The following CNTNAP3B variants were observed in gnomAD, a reference collection of about 807,000 sequenced individuals.
CNTNAP3B encodes the protein contactin-associated protein-like 3B.
CNTNAP3B carries 25 observed loss-of-function variants against 108.9 expected under a neutral mutation model. The ratio of observed to expected loss-of-function variants is 0.23; its 90% CI spans 0.17 to 0.32. The LOEUF (loss-of-function observed/expected upper bound fraction) is 0.32, where lower values mean the gene tolerates loss of function less well. Ranked by LOEUF, CNTNAP3B falls within the 10% of genes least tolerant of loss-of-function variation. CNTNAP3B has a pLI of 1.00. For synonymous variants in CNTNAP3B, 103 were observed against 473.4 expected, an observed-to-expected ratio of 0.22 and a Z score of 10.16; for missense variants, 252 against 1,210.4, an observed-to-expected ratio of 0.21 and a Z score of 11.75.
chr9:42,041,263 T>C (rs1826745002), intron 3 of CNTNAP3B, among the ~76,000 whole-genome samples: 1 of 139,214 alleles, frequency 7.2e-6, no homozygotes, highest in African/African-American at 2.8e-5. Flanking sequence ...AAAGAGCTTC[T>C]GCATAGTAAA....
chr9:41,915,886 A>C (rs1343129524), intron 18 of CNTNAP3B, among the ~76,000 whole-genome samples: 3 of 150,974 alleles, frequency 2.0e-5, no homozygotes, highest in Non-Finnish European at 3.0e-5. Flanking sequence ...ACAATGTTTT[A>C]TTTTCTTTAG....
At chr9:41,944,812 T>C (rs1183855627) in intron 13 of CNTNAP3B, among the ~76,000 whole-genome samples, 2 of 152,288 alleles carry the variant, frequency 1.3e-5, no homozygotes, top group Non-Finnish European at 2.9e-5. Flanking sequence ...CAAAAGAAAC[T>C]ACCATCAGAG....
chr9:42,030,272 T>C (rs1379528330), intron 3 of CNTNAP3B, among the ~76,000 whole-genome samples: 1 of 30,964 alleles, frequency 3.2e-5, no homozygotes, highest in Non-Finnish European at 5.3e-5. Context: ...TGATCATCTT[T>C]TCTTAGTCCG....
rs1300780513 is a variant in CNTNAP3B, at chr9:42,126,492, TC to T, written c.85+2517del. ...ATGCAGAATCTTCCTAACAAAGCTTTCCCATGTATTTGTCAGGTCAAATAAC... is the reference window on the plus strand; with the variant it reads ...ATGCAGAATCTTCCTAACAAAGCTTTCCATGTATTTGTCAGGTCAAATAAC... On this transcript the variant is annotated intron_variant, in intron 1 of 23. Coordinates refer to ENST00000377561, the MANE Select transcript of CNTNAP3B (RefSeq NM_001201380.3). 2.2e-5 allele frequency among the ~76,000 whole-genome samples: 3 copies of T among 137,928 alleles called. 1 individual carries two copies. The highest frequency in any genetic ancestry group is 4.6e-5 in the Non-Finnish European group (3 of 64,664). 90.5% of individuals were successfully genotyped at this position (137,928 alleles called of 152,430 possible). A position where few individuals can be genotyped will look rare whatever the true frequency, so the allele number is the denominator to read the frequency against.
rs895141933 is a variant in CNTNAP3B at position 42,113,532 on chromosome 9, G to GA, written c.86-8794dup. ...GCAGAAAGACATCAGACACGACACA[G>GA]AAAAAAATACAACAACACAGGTGCA... On this transcript the variant is annotated intron_variant, in intron 1 of 23. Transcript: ENST00000377561. Among the ~76,000 whole-genome samples the GA allele has an allele frequency of 7.9e-5, 11 of 138,580 alleles. 2 individuals carry two copies. The highest frequency in any genetic ancestry group is 1.4e-4 in the Non-Finnish European group (9 of 64,692). The allele number at this position is 138,580 out of a possible 152,430, so 90.9% of individuals were successfully genotyped here.
chr9:42,098,587 A>AG (rs1256387832), intron 2 of CNTNAP3B, among the ~76,000 whole-genome samples: 2 of 88,596 alleles, frequency 2.3e-5, no homozygotes, highest in Non-Finnish European at 4.7e-5. Flanking sequence ...TGTCTCAAAA[A>AG]AAAAAAAAAA....
chr9:42,014,518 C>T (rs1177218102), intron 3 of CNTNAP3B, among the ~76,000 whole-genome samples: 1 of 118,046 alleles, frequency 8.5e-6, no homozygotes, highest in Non-Finnish European at 1.8e-5. Flanking sequence ...AGGGCCAGCG[C>T]GTTGGCTCAC....
chr9:41,979,803 C>T (rs1446790168), intron 9 of CNTNAP3B: 1 of 115,526 alleles, frequency 8.7e-6, no homozygotes, highest in Non-Finnish European at 1.7e-5. Context: ...TAACCAGGCT[C>T]GTCTTCAACT....
At position 42,086,304 on chromosome 9, in the gene CNTNAP3B, G is replaced by A. The variant is rs866294845; in HGVS notation, c.197-9242C>T. ...CTCCCACAACACCTAGGAATTATGAGAGCTACAATTCAAGATGAGATCTGA... is the reference window on the plus strand; with the variant it reads ...CTCCCACAACACCTAGGAATTATGAAAGCTACAATTCAAGATGAGATCTGA... On this transcript the variant is annotated intron_variant, in intron 2 of 23. Transcript: ENST00000377561. Among the ~76,000 whole-genome samples, 880 of 138,768 alleles carry A rather than the reference G, an allele frequency of 6.3e-3. 14 individuals are homozygous for A. Among genetic ancestry groups the A allele is most frequent in the African/African-American group, 0.024 (848 of 35,170 alleles). 91.0% of individuals were successfully genotyped at this position (138,768 alleles called of 152,430 possible). A position where few individuals can be genotyped will look rare whatever the true frequency, so the allele number is the denominator to read the frequency against.
chr9:41,921,450 T>G (rs1260834309), intron 17 of CNTNAP3B, among the ~76,000 whole-genome samples: 1 of 149,600 alleles, frequency 6.7e-6, no homozygotes, highest in Non-Finnish European at 1.5e-5. Flanking sequence ...CGTGTAGCAT[T>G]TAGTACCTGG....
chr9:42,076,389 G>T (rs187336820), intron 3 of CNTNAP3B, among the ~76,000 whole-genome samples: 1 of 132,630 alleles, frequency 7.5e-6, no homozygotes, highest in African/African-American at 3.1e-5. Context: ...TTGTGCCACT[G>T]CACTCTAGTC....
intron 4 of CNTNAP3B, among the ~76,000 whole-genome samples, chr9:42,003,143 C>T (rs1212008862): frequency 2.1e-5 from 3 of 139,708 alleles, no homozygotes; most frequent in East Asian, 2.1e-4. Flanking sequence ...CCCACCTCAG[C>T]TTCACAAAGT....
At chr9:41,951,602 C>T (rs1434155859) in intron 13 of CNTNAP3B, among the ~76,000 whole-genome samples, 1 of 152,288 alleles carries the variant, frequency 6.6e-6, no homozygotes, top group African/African-American at 2.4e-5. Context: ...TAAGGAATGG[C>T]CTAAATTTCC....
At position 42,096,344 on chromosome 9, in the gene CNTNAP3B, G is replaced by C. The variant is rs897333603; in HGVS notation, c.196+8285C>G. ...CGTGCAGTCCTGCTGAGGGTTCCTA[G>C]TCTGCGAGATAGCAGAAAAATTAAA... On this transcript the variant is annotated intron_variant, in intron 2 of 23. Transcript: ENST00000377561. 2.1e-5 allele frequency among the ~76,000 whole-genome samples: 3 copies of C among 140,464 alleles called. 1 individual carries two copies. Among genetic ancestry groups the C allele is most frequent in the Admixed American group, 2.1e-4 (3 of 14,206 alleles). The allele number at this position is 140,464 out of a possible 152,430, so 92.1% of individuals were successfully genotyped here.
At chr9:41,924,595 T>C (rs1823757131) in intron 15 of CNTNAP3B, among the ~76,000 whole-genome samples, 1 of 150,596 alleles carries the variant, frequency 6.6e-6, no homozygotes, top group Non-Finnish European at 1.5e-5. Flanking sequence ...AAGGAGGTAG[T>C]TGGAAAAATG....
intron 14 of CNTNAP3B, among the ~76,000 whole-genome samples, chr9:41,931,880 C>T (rs1003391482): frequency 1.3e-4 from 19 of 149,850 alleles, no homozygotes; most frequent in South Asian, 6.3e-4. Flanking sequence ...ATCTATTTCA[C>T]GGGAGCTCCA....
rs1029699419 is a variant in CNTNAP3B at position 42,115,606 on chromosome 9, T to C, written c.86-10867A>G. 2.3e-5 allele frequency among the ~76,000 whole-genome samples: 3 copies of C among 127,844 alleles called. 1 individual carries two copies. The highest frequency in any genetic ancestry group is 9.6e-5 in the African/African-American group (3 of 31,198). 83.9% of individuals were successfully genotyped at this position (127,844 alleles called of 152,430 possible). ...TGGTGATACCCAGGCAAACAGGGTCTGGACTGGACCTCCAGCAAACTCCAA... is the reference window on the plus strand; with the variant it reads ...TGGTGATACCCAGGCAAACAGGGTCCGGACTGGACCTCCAGCAAACTCCAA... On this transcript the variant is annotated intron_variant, in intron 1 of 23. Transcript: ENST00000377561.
chr9:41,952,362 C>T (rs1210339988), intron 13 of CNTNAP3B, among the ~76,000 whole-genome samples: 2 of 152,198 alleles, frequency 1.3e-5, no homozygotes, highest in Non-Finnish European at 2.9e-5. Context: ...GCCTGGACTT[C>T]CTGGGCTCCA....
chr9:42,033,212 G>T (rs1826556153), intron 3 of CNTNAP3B, among the ~76,000 whole-genome samples: 1 of 142,754 alleles, frequency 7.0e-6, no homozygotes. Context: ...GGTCACTATT[G>T]TTGGTTAATA....
Sources: gnomAD v4.1 joint callset for allele counts (sites outside exome capture counted in the v4.1 genomes callset) on GRCh38, gnomAD v4.1.1 for gene constraint, MANE v1.5 for transcripts, NCBI Gene and HGNC (gene_info 2026-07-23, HGNC 2026-07-21) for gene names.